PCDHGA3: variants seen among roughly 807,000 people sequenced by gnomAD.
PCDHGA3 encodes protocadherin gamma-A3.
In PCDHGA3, 40 loss-of-function variants were observed where a neutral mutation model predicts 58.5. The observed-to-expected ratio is 0.68, with a 90% CI of 0.53 to 0.89. PCDHGA3 has a LOEUF of 0.89. Ranked by LOEUF, PCDHGA3 falls within the 40% of genes least tolerant of loss-of-function variation. PCDHGA3 has a pLI of 0.00. For missense variants in PCDHGA3, 1,223 were observed against 1,195.9 expected (o/e 1.02, Z -0.33); for synonymous variants, 530 against 525.7 (o/e 1.01, Z -0.11).
intron 1 of PCDHGA3, chr5:141,350,838 T>G: frequency 6.2e-7 from 1 of 1,614,066 alleles, no homozygotes; most frequent in African/African-American, 1.3e-5. Flanking sequence ...GTATTACTGC[T>G]GGAAAAACCT....
Position 141,490,122 on chromosome 5 carries a change from C to T in PCDHGA3, c.2425-4685C>T. 3 of 1,614,260 alleles carry T rather than the reference C, an allele frequency of 1.9e-6. No homozygotes were observed. The highest frequency in any genetic ancestry group is 2.5e-6 in the Non-Finnish European group (3 of 1,180,046). On this transcript the variant is annotated intron_variant, in intron 1 of 3. Coordinates refer to ENST00000253812, the MANE Select transcript of PCDHGA3 (RefSeq NM_018916.4). The surrounding 1 kb of genome is among the most constrained non-coding windows in gnomAD (Gnocchi z 5.4). ...CTGAGGCAGTGCGGAACCTCTTTGG[C>T]CTAGACCCTAGCAGTGGGGCAATCC... is the stretch of plus-strand genomic sequence containing the variant.
At chr5:141,440,484 A>G (rs190024112) in intron 1 of PCDHGA3, 36 of 152,300 alleles carry the variant, frequency 2.4e-4, no homozygotes, top group Non-Finnish European at 4.7e-4. Context: ...AATTCTTTAA[A>G]TGTTTTTCAC....
chr5:141,401,285 T>TGAGCC (rs2094137060), intron 1 of PCDHGA3, among the ~76,000 whole-genome samples: 1 of 151,918 alleles, frequency 6.6e-6, no homozygotes, highest in Non-Finnish European at 1.5e-5. Context: ...GAGGTTGCGG[T>TGAGCC]GAGCCGAGAT....
At chr5:141,421,638 C>G (rs775131295) in intron 1 of PCDHGA3, 2 of 1,613,770 alleles carry the variant, frequency 1.2e-6, no homozygotes, top group South Asian at 1.1e-5. Context: ...TCCAGGAGGA[C>G]GAAGTGGAGA....
intron 3 of PCDHGA3, among the ~76,000 whole-genome samples, chr5:141,507,500 A>G (rs2099861039): frequency 6.6e-6 from 1 of 152,206 alleles, no homozygotes; most frequent in Admixed American, 6.5e-5. Flanking sequence ...GAGCTGTCCC[A>G]GGTCTGGTGG....
chr5:141,372,498 C>T, intron 1 of PCDHGA3: 1 of 1,614,054 alleles, frequency 6.2e-7, no homozygotes, highest in Non-Finnish European at 8.5e-7. Flanking sequence ...GATCTCAGTG[C>T]TCTTCCTCCT....
rs764696444 is a variant in PCDHGA3 at position 141,375,374 on chromosome 5, C to A, written c.2424+28917C>A. On this transcript the variant is annotated intron_variant, in intron 1 of 3. Coordinates refer to ENST00000253812, the MANE Select transcript of PCDHGA3 (RefSeq NM_018916.4). Reference sequence around the variant, plus strand: ...GACAGCCACGGACAAAGGAACACCACCTCTGTCTACAGAAACAATCATCTC... The same window carrying A: ...GACAGCCACGGACAAAGGAACACCAACTCTGTCTACAGAAACAATCATCTC... The A allele has an allele frequency of 2.4e-5, 38 of 1,613,952 alleles. No homozygotes were observed. In the South Asian group the frequency reaches 3.6e-4, roughly 15 times the overall value.
chr5:141,478,563 C>A, intron 1 of PCDHGA3: 2 of 1,596,270 alleles, frequency 1.3e-6, no homozygotes, highest in South Asian at 1.1e-5. Context: ...TTTAGCAAGT[C>A]ATGCTTGACC....
At chr5:141,366,698 C>T (rs749393515) in intron 1 of PCDHGA3, 1 of 1,614,236 alleles carries the variant, frequency 6.2e-7, no homozygotes, top group Non-Finnish European at 8.5e-7. Flanking sequence ...GAAAAGCGAG[C>T]CTCTTCTGAT....
Position 141,485,244 on chromosome 5 carries a change from T to G in PCDHGA3, c.2425-9563T>G. 5 of 1,614,168 alleles carry G rather than the reference T, an allele frequency of 3.1e-6. No individual in the cohort carries two copies. Among genetic ancestry groups the G allele is most frequent in the Non-Finnish European group, 4.2e-6 (5 of 1,180,006 alleles). On this transcript the variant is annotated intron_variant, in intron 1 of 3. Transcript: ENST00000253812. This position sits in a 1 kb window ranked among gnomAD's most constrained non-coding sequence, Gnocchi z 5.7. Reference sequence around the variant, plus strand: ...ACCCTTTTGTTCCTCTTTTACCACCTGGGTTACGTTTGTGGGCAGATCCGC... The same window carrying G: ...ACCCTTTTGTTCCTCTTTTACCACCGGGGTTACGTTTGTGGGCAGATCCGC...
intron 2 of PCDHGA3, among the ~76,000 whole-genome samples, chr5:141,495,389 C>T (rs966648925): frequency 2.0e-5 from 3 of 152,204 alleles, no homozygotes; most frequent in African/African-American, 7.2e-5. Context: ...CTGGGCGGGG[C>T]ATGGAGCAGG....
At chr5:141,381,831 T>C (rs1313642722) in intron 1 of PCDHGA3, among the ~76,000 whole-genome samples, 7 of 136,370 alleles carry the variant, frequency 5.1e-5, no homozygotes, top group African/African-American at 2.0e-4. Context: ...TTCTTCTTTT[T>C]TTTTTTTTTT....
At chr5:141,362,336 A>T in intron 1 of PCDHGA3, 1 of 1,614,052 alleles carries the variant, frequency 6.2e-7, no homozygotes, top group Non-Finnish European at 8.5e-7. Context: ...CTCAGCTCCA[A>T]GCCTGGACCT....
At chr5:141,464,978 GT>G in intron 1 of PCDHGA3, among the ~76,000 whole-genome samples, 1 of 152,148 alleles carries the variant, frequency 6.6e-6, no homozygotes, top group East Asian at 1.9e-4. Context: ...CTGGCTTCAA[GT>G]GATCCTCCCA....
At chr5:141,399,911 G>T in intron 1 of PCDHGA3, 1 of 1,612,384 alleles carries the variant, frequency 6.2e-7, no homozygotes. Flanking sequence ...GCAGACTCAG[G>T]ACACAACGCC....
chr5:141,486,444 T>G lies in PCDHGA3; in HGVS notation c.2425-8363T>G. 1 of 1,614,086 alleles carries G rather than the reference T, an allele frequency of 6.2e-7. No homozygotes were observed. Among genetic ancestry groups the G allele is most frequent in the Non-Finnish European group, 8.5e-7 (1 of 1,179,930 alleles). ...GAGGCCAAATCTAGCTATGACATCA[T>G]GGTCACTGCTTCTGATGCTGGGAAC... On this transcript the variant is annotated intron_variant, in intron 1 of 3. Coordinates refer to ENST00000253812, the MANE Select transcript of PCDHGA3 (RefSeq NM_018916.4). The surrounding 1 kb of genome is among the most constrained non-coding windows in gnomAD (Gnocchi z 5.0).
rs753358324 is a variant in PCDHGA3, at chr5:141,487,328, G to A, written c.2425-7479G>A. On this transcript the variant is annotated intron_variant, in intron 1 of 3. Transcript: ENST00000253812. This position sits in a 1 kb window ranked among gnomAD's most constrained non-coding sequence, Gnocchi z 5.0. ...ACTACTCTCTAAGTGTCTTCGTGGG[G>A]CAGCCTGTGGAGTCACATGCTTTCC... 1.2e-6 allele frequency: 2 copies of A among 1,613,962 alleles called. No individual in the cohort carries two copies. The highest frequency in any genetic ancestry group is 2.2e-5 in the East Asian group (1 of 44,874).
chr5:141,365,276 C>G, intron 1 of PCDHGA3: 1 of 1,613,968 alleles, frequency 6.2e-7, no homozygotes, highest in Non-Finnish European at 8.5e-7. Flanking sequence ...CAGATTCTAC[C>G]TCATGGAAGT....
intron 1 of PCDHGA3, among the ~76,000 whole-genome samples, chr5:141,450,750 G>C (rs778218781): frequency 1.1e-4 from 16 of 152,002 alleles, no homozygotes; most frequent in Admixed American, 2.0e-4. Context: ...GCCTCCCAAA[G>C]TGCCGGGATT....
Sources: allele counts gnomAD v4.1 joint callset (sites outside exome capture counted in the v4.1 genomes callset), GRCh38; gene constraint gnomAD v4.1.1; non-coding constraint Gnocchi (gnomAD v3.1); transcripts MANE v1.5; gene names NCBI Gene and HGNC (gene_info 2026-07-23, HGNC 2026-07-21).